Variants in ADAM22 observed in about 807,000 individuals in gnomAD.
ADAM22 encodes disintegrin and metalloproteinase domain-containing protein 22.
In ADAM22, 65 loss-of-function variants were observed where a neutral mutation model predicts 144.6. That is an observed-to-expected ratio of 0.45 (90% CI 0.37 to 0.55). The LOEUF is 0.55. Ranked by LOEUF, ADAM22 falls within the 20% of genes least tolerant of loss-of-function variation. The pLI is 0.00. For synonymous variants in ADAM22, 391 were observed against 412.6 expected (o/e 0.95, Z 0.63); for missense variants, 974 against 1,184.9 (o/e 0.82, Z 2.61).
intron 3 of ADAM22, among the ~76,000 whole-genome samples, chr7:88,033,501 G>A (rs1296742426): frequency 6.6e-6 from 1 of 152,250 alleles, no homozygotes; most frequent in African/African-American, 2.4e-5. Flanking sequence ...CAGACCCAGA[G>A]CTAACATAGC....
At chr7:88,095,127 C>T (rs887620604) in intron 4 of ADAM22, among the ~76,000 whole-genome samples, 24 of 152,278 alleles carry the variant, frequency 1.6e-4, no homozygotes, top group Middle Eastern at 3.4e-3. Flanking sequence ...TTGGTGGCTT[C>T]TACCCATTCT....
chr7:88,115,978 C>T (rs1197722439), intron 6 of ADAM22, among the ~76,000 whole-genome samples: 1 of 152,190 alleles, frequency 6.6e-6, no homozygotes, highest in Non-Finnish European at 1.5e-5. Flanking sequence ...TCGTATTACA[C>T]AACATTGCTT....
intron 3 of ADAM22, among the ~76,000 whole-genome samples, 183 bp downstream of exon 3, chr7:87,978,595 A>G (rs1038817225): frequency 1.3e-5 from 2 of 152,220 alleles, no homozygotes; most frequent in Non-Finnish European, 2.9e-5. Context: ...ATATATATTC[A>G]TTTGAAATTG....
chr7:88,106,487 T>C (rs1337724288), intron 4 of ADAM22, among the ~76,000 whole-genome samples: 1 of 152,184 alleles, frequency 6.6e-6, no homozygotes, highest in African/African-American at 2.4e-5. Context: ...TCTCCTCCAT[T>C]TGTGAAACAC....
At chr7:88,149,121 AC>A (rs2129525187) in intron 18 of ADAM22, 64 bp downstream of exon 18, 1 of 1,084,610 alleles carries the variant, frequency 9.2e-7, no homozygotes, top group South Asian at 1.3e-5. Flanking sequence ...TAGTGCACTG[AC>A]CCTCAAAGAG....
chr7:88,143,226 A>C, intron 15 of ADAM22, 101 bp downstream of exon 15: 1 of 802,472 alleles, frequency 1.2e-6, no homozygotes, highest in Non-Finnish European at 2.0e-6. Context: ...GAGCTTTTCA[A>C]CTTGCCCTGT....
intron 26 of ADAM22, among the ~76,000 whole-genome samples, chr7:88,177,144 T>C (rs539307466): frequency 3.3e-5 from 5 of 152,344 alleles, no homozygotes; most frequent in East Asian, 1.9e-4. Context: ...TAGTGATAAA[T>C]GGGATTTGTT....
At chr7:88,010,033 T>C (rs1455776263) in intron 3 of ADAM22, among the ~76,000 whole-genome samples, 1 of 152,176 alleles carries the variant, frequency 6.6e-6, no homozygotes, top group African/African-American at 2.4e-5. Context: ...TTCTCTCTTT[T>C]TTTTTTTCAA....
intron 4 of ADAM22, among the ~76,000 whole-genome samples, chr7:88,098,185 A>G (rs1293670998): frequency 6.6e-6 from 1 of 152,224 alleles, no homozygotes; most frequent in Non-Finnish European, 1.5e-5. Context: ...GTAAAATGGA[A>G]TATTAAGTTT....
intron 18 of ADAM22, among the ~76,000 whole-genome samples, chr7:88,150,567 A>G (rs1838043537): frequency 2.0e-5 from 3 of 152,174 alleles, no homozygotes; most frequent in Non-Finnish European, 2.9e-5. Context: ...ATTTATGCAG[A>G]CTTACTCTTT....
At chr7:88,071,698 C>T (rs1296478188) in intron 3 of ADAM22, among the ~76,000 whole-genome samples, 2 of 151,976 alleles carry the variant, frequency 1.3e-5, no homozygotes, top group Non-Finnish European at 1.5e-5. Flanking sequence ...TCTCAGAAAA[C>T]ATTTCTAATT....
intron 3 of ADAM22, among the ~76,000 whole-genome samples, chr7:88,038,728 C>T (rs568171846): frequency 1.3e-5 from 2 of 152,006 alleles, no homozygotes; most frequent in Non-Finnish European, 2.9e-5. Flanking sequence ...GCTGGGATTA[C>T]AGGCATCTCT....
intron 17 of ADAM22, among the ~76,000 whole-genome samples, chr7:88,147,307 A>C (rs1412586353): frequency 6.6e-6 from 1 of 152,222 alleles, no homozygotes; most frequent in East Asian, 1.9e-4. Context: ...GAGGAGGGAG[A>C]ATAGAAGAAA....
chr7:88,108,125 G>A, intron 4 of ADAM22, 51 bp from the exon 5 acceptor site: 1 of 1,494,658 alleles, frequency 6.7e-7, no homozygotes, highest in Non-Finnish European at 9.3e-7. Flanking sequence ...AAATGAAGCA[G>A]CTGATTCTCC....
intron 3 of ADAM22, among the ~76,000 whole-genome samples, chr7:87,981,934 TC>T (rs979171686): frequency 6.6e-6 from 1 of 151,992 alleles, no homozygotes; most frequent in African/African-American, 2.4e-5. Flanking sequence ...GCCTTGCTGT[TC>T]AACTAAATTC....
chr7:88,152,010 G>T (rs2129526506), intron 20 of ADAM22, among the ~76,000 whole-genome samples: 1 of 152,192 alleles, frequency 6.6e-6, no homozygotes, highest in South Asian at 2.1e-4. Context: ...TGTTTCAGGA[G>T]ACAATTTGTA....
intron 4 of ADAM22, among the ~76,000 whole-genome samples, chr7:88,106,263 A>T (rs1824356372): frequency 6.6e-6 from 1 of 152,126 alleles, no homozygotes. Flanking sequence ...CATGATGATC[A>T]GTGGCTCCCC....
At chr7:87,996,402 C>T (rs1008255320) in intron 3 of ADAM22, among the ~76,000 whole-genome samples, 16 of 152,228 alleles carry the variant, frequency 1.1e-4, no homozygotes, top group African/African-American at 3.9e-4. Context: ...TAGCTACCTT[C>T]TTGCTGTACC....
Position 87,963,019 on chromosome 7 carries a change from T to G in ADAM22, c.247-15317T>G, listed in dbSNP as rs571033284. Reference sequence around the variant, plus strand: ...AACTCTTGGACAAAGCAATTGAGCATAGCATTATATTATTGTCTTGTAAGA... The same window carrying G: ...AACTCTTGGACAAAGCAATTGAGCAGAGCATTATATTATTGTCTTGTAAGA... On this transcript the variant is annotated intron_variant, in intron 2 of 31. Transcript: ENST00000413139. Among the ~76,000 whole-genome samples, 10 of 152,342 alleles carry G rather than the reference T, an allele frequency of 6.6e-5. No individual in the cohort carries two copies. The South Asian group carries it at 1.9e-3, about 28-fold the overall frequency.
Sources: gnomAD v4.1 joint callset for allele counts (sites outside exome capture counted in the v4.1 genomes callset) on GRCh38, gnomAD v4.1.1 for gene constraint, MANE v1.5 for transcripts, NCBI Gene and HGNC (gene_info 2026-07-23, HGNC 2026-07-21) for gene names.